The following NUBPL variants were observed in gnomAD, a reference collection of about 807,000 sequenced individuals.
NUBPL encodes iron-sulfur cluster transfer protein NUBPL.
A neutral mutation model predicts 45.7 loss-of-function variants in NUBPL; 31 were observed. The ratio of observed to expected loss-of-function variants is 0.68; its 90% CI spans 0.51 to 0.92. NUBPL has a LOEUF of 0.92. Ranked by LOEUF, NUBPL falls within the 40% of genes least tolerant of loss-of-function variation. The pLI is 0.00. For missense variants in NUBPL, 401 were observed against 398.7 expected, an observed-to-expected ratio of 1.01 and a Z score of -0.05; for synonymous variants, 144 against 140.9, an observed-to-expected ratio of 1.02 and a Z score of -0.15.
At chr14:31,820,697 G>A (rs760311312) in intron 7 of NUBPL, among the ~76,000 whole-genome samples, 1 of 151,642 alleles carries the variant, frequency 6.6e-6, no homozygotes, top group African/African-American at 2.4e-5. Flanking sequence ...GGTGGTGGGC[G>A]CCTGTAATCC....
chr14:31,647,460 A>G (rs1025996292), intron 4 of NUBPL, among the ~76,000 whole-genome samples: 4 of 152,162 alleles, frequency 2.6e-5, no homozygotes, highest in Non-Finnish European at 5.9e-5. Context: ...TCTAGTATTC[A>G]GTATTTGATC....
chr14:31,780,614 A>G (rs939760993), intron 6 of NUBPL, among the ~76,000 whole-genome samples: 4 of 152,210 alleles, frequency 2.6e-5, no homozygotes, highest in African/African-American at 9.6e-5. Context: ...ACTTAAAAAT[A>G]AAGTCTTAAC....
intron 4 of NUBPL, among the ~76,000 whole-genome samples, chr14:31,634,978 T>C (rs1215069726): frequency 4.0e-5 from 6 of 150,752 alleles, no homozygotes; most frequent in African/African-American, 1.5e-4. Context: ...CATTGTAGAT[T>C]CTGGATATTA....
chr14:31,653,397 C>A (rs1030020071), intron 4 of NUBPL, among the ~76,000 whole-genome samples: 2 of 152,130 alleles, frequency 1.3e-5, no homozygotes, highest in Admixed American at 6.5e-5. Context: ...CGTTTATAGA[C>A]CTCCCCCGAG....
intron 10 of NUBPL, among the ~76,000 whole-genome samples, chr14:31,856,188 CAT>C (rs1167946665): frequency 2.0e-5 from 3 of 152,158 alleles, no homozygotes; most frequent in African/African-American, 7.2e-5. Flanking sequence ...AGGAACAAGT[CAT>C]GTCTTACATG....
At chr14:31,617,035 A>G (rs8015245) in intron 4 of NUBPL, among the ~76,000 whole-genome samples, 24,071 of 152,014 alleles carry the variant, frequency 0.16, 5,439 homozygotes, top group African/African-American at 0.5. Context: ...CTTTGTAGCA[A>G]TTGTGAATGG....
intron 6 of NUBPL, among the ~76,000 whole-genome samples, chr14:31,757,322 A>G (rs1317888579): frequency 6.6e-6 from 1 of 150,912 alleles, no homozygotes; most frequent in Non-Finnish European, 1.5e-5. Flanking sequence ...CTGTGAATCC[A>G]TCTGGTCCTG....
At chr14:31,758,571 G>T (rs1163526068) in intron 6 of NUBPL, among the ~76,000 whole-genome samples, 1 of 152,056 alleles carries the variant, frequency 6.6e-6, no homozygotes, top group Non-Finnish European at 1.5e-5. Context: ...TAAGTTTTAT[G>T]TGTGTTTATA....
chr14:31,837,381 G>C (rs2040298840), intron 8 of NUBPL, among the ~76,000 whole-genome samples: 1 of 152,104 alleles, frequency 6.6e-6, no homozygotes, highest in African/African-American at 2.4e-5. Context: ...AAATATTTTT[G>C]TGCATCTTTA....
chr14:31,788,724 G>C (rs2039328038), intron 7 of NUBPL, among the ~76,000 whole-genome samples: 1 of 152,138 alleles, frequency 6.6e-6, no homozygotes, highest in Admixed American at 6.5e-5. Flanking sequence ...GGTATTTCAG[G>C]ATGTTCCTTT....
chr14:31,574,268 A>ATT (rs1207027470), intron 3 of NUBPL, among the ~76,000 whole-genome samples: 1 of 100,954 alleles, frequency 9.9e-6, no homozygotes, highest in Admixed American at 1.0e-4. Context: ...CTCAAAAAAA[A>ATT]TTTTTTTTTT....
chr14:31,561,579 G>T, intron 1 of NUBPL, 32 bp downstream of exon 1: 1 of 1,286,502 alleles, frequency 7.8e-7, no homozygotes, highest in Non-Finnish European at 1.0e-6. Context: ...GGGGAAGCGG[G>T]CTGACAGATG....
chr14:31,655,390 C>CA (rs1241034302), intron 4 of NUBPL, among the ~76,000 whole-genome samples: 5 of 152,252 alleles, frequency 3.3e-5, no homozygotes, highest in African/African-American at 9.6e-5. Context: ...CTTGGGTGTC[C>CA]AGGTGCATTG....
At chr14:31,780,113 A>AG (rs1483835610) in intron 6 of NUBPL, among the ~76,000 whole-genome samples, 5 of 151,016 alleles carry the variant, frequency 3.3e-5, no homozygotes, top group African/African-American at 4.9e-5. Context: ...CCCAGGCTGG[A>AG]GTGCAGTGGC....
At chr14:31,772,425 TGGCC>T (rs2039025179) in intron 6 of NUBPL, among the ~76,000 whole-genome samples, 1 of 152,184 alleles carries the variant, frequency 6.6e-6, no homozygotes. Context: ...TATAAGCACT[TGGCC>T]TAAAGCAGGA....
intron 10 of NUBPL, among the ~76,000 whole-genome samples, chr14:31,852,215 C>A (rs2040548481): frequency 6.6e-6 from 1 of 152,108 alleles, no homozygotes; most frequent in African/African-American, 2.4e-5. Flanking sequence ...TGTGAAAATA[C>A]CTTGAAAAAT....
chr14:31,600,531 G>T (rs1388753629), intron 4 of NUBPL, among the ~76,000 whole-genome samples: 2 of 152,164 alleles, frequency 1.3e-5, no homozygotes, highest in Admixed American at 1.3e-4. Flanking sequence ...TGTGGTCGTG[G>T]CTTGAAATTG....
rs60721875 is a variant in NUBPL, at chr14:31,578,424, G to A, written c.291+13376G>A. Among the ~76,000 whole-genome samples, 418 of 152,258 alleles carry A rather than the reference G, an allele frequency of 2.7e-3. 2 individuals carry two copies. Among genetic ancestry groups the A allele is most frequent in the African/African-American group, 9.3e-3 (386 of 41,550 alleles). ...CACGTGACAGATTTCATTCCAGCCT[G>A]TTTCTTTCTGGTCAGGAATGTGTGA... On this transcript the variant is annotated intron_variant, in intron 3 of 10. Coordinates refer to ENST00000281081, the MANE Select transcript of NUBPL (RefSeq NM_025152.3).
At position 31,721,964 on chromosome 14, in the gene NUBPL, A is replaced by G. The variant is rs137940950; in HGVS notation, c.513+48390A>G. On this transcript the variant is annotated intron_variant, in intron 6 of 10. Transcript: ENST00000281081. ...TACATGACCTCATTCTTTTTTATGG[A>G]TGCATAGTATTCCATGGTGTATATG... Among the ~76,000 whole-genome samples, 333 of 152,024 alleles carry G rather than the reference A, an allele frequency of 2.2e-3. 3 individuals are homozygous for G. The highest frequency in any genetic ancestry group is 7.6e-3 in the African/African-American group (316 of 41,464).
Sources: allele counts gnomAD v4.1 joint callset (sites outside exome capture counted in the v4.1 genomes callset), GRCh38; gene constraint gnomAD v4.1.1; transcripts MANE v1.5; gene names NCBI Gene and HGNC (gene_info 2026-07-23, HGNC 2026-07-21).